Variants in NEK4 observed in about 807,000 individuals in gnomAD.
NEK4 encodes NIMA related kinase 4.
In NEK4, 86 loss-of-function variants were observed where a neutral mutation model predicts 98.4. The observed-to-expected ratio is 0.87, with a 90% CI of 0.73 to 1.05. The LOEUF (loss-of-function observed/expected upper bound fraction) is 1.05, where lower values mean the gene tolerates loss of function less well. Among genes scored for constraint, NEK4 ranks in the 50% least tolerant of loss-of-function variants. The probability of loss-of-function intolerance (pLI) is 0.00; values close to 1 mark genes in which losing one functional copy is unlikely to be tolerated. For missense variants in NEK4, 898 were observed against 950.3 expected (o/e 0.94, Z 0.72); for synonymous variants, 328 against 342.2 (o/e 0.96, Z 0.46).
chr3:52,768,011 A>G (rs1191945238), intron 2 of NEK4, among the ~76,000 whole-genome samples: 3 of 152,346 alleles, frequency 2.0e-5, no homozygotes, highest in African/African-American at 7.2e-5. Flanking sequence ...ACCTTTCAGC[A>G]TGACACGACT....
At chr3:52,748,307 T>C (rs1435125305) in intron 8 of NEK4, among the ~76,000 whole-genome samples, 1 of 152,120 alleles carries the variant, frequency 6.6e-6, no homozygotes, top group Non-Finnish European at 1.5e-5. Context: ...AGAAGTTGTC[T>C]TTCTCAAAAT....
intron 14 of NEK4, among the ~76,000 whole-genome samples, chr3:52,738,900 G>GA (rs2097380945): frequency 6.6e-6 from 1 of 152,104 alleles, no homozygotes; most frequent in South Asian, 2.1e-4. Flanking sequence ...AAAGTCACAT[G>GA]AAAAACCACA....
At chr3:52,715,228 T>G (rs1459814435) in intron 15 of NEK4, among the ~76,000 whole-genome samples, 1 of 152,214 alleles carries the variant, frequency 6.6e-6, no homozygotes, top group East Asian at 1.9e-4. Context: ...CTAAAAGCCC[T>G]GGGCTCAGCC....
At chr3:52,727,293 C>T (rs1232341823) in intron 15 of NEK4, among the ~76,000 whole-genome samples, 1 of 151,884 alleles carries the variant, frequency 6.6e-6, no homozygotes, top group Non-Finnish European at 1.5e-5. Flanking sequence ...AATTCTTTAC[C>T]TAACAACAGA....
At chr3:52,761,528 T>G (rs1482859904) in intron 5 of NEK4, among the ~76,000 whole-genome samples, 1 of 152,110 alleles carries the variant, frequency 6.6e-6, no homozygotes, top group Non-Finnish European at 1.5e-5. Context: ...TCAGGTGATC[T>G]GCCAGCCTCG....
Position 52,711,503 on chromosome 3 carries a change from TG to T in NEK4, c.*273del. On this transcript the variant is annotated 3_prime_UTR_variant, in exon 16 of 16. Transcript: ENST00000233027. ...AAAAATAAAATTCTAAATATAAACT[TG>T]GTGGATTAAGGCTCAGTAAACAGTA... 7.3e-6 allele frequency: 2 copies of T among 273,796 alleles called. No individual in the cohort carries two copies. The highest frequency in any genetic ancestry group is 1.3e-5 in the Non-Finnish European group (2 of 148,172). The allele number at this position is 273,796 out of a possible 1,614,324, so 17.0% of individuals were successfully genotyped here. A position where few individuals can be genotyped will look rare whatever the true frequency, so the allele number is the denominator to read the frequency against.
chr3:52,752,142 A>G lies in NEK4; in HGVS notation c.1158T>C (p.Asn386=), dbSNP rs758535069. 6.2e-7 allele frequency: 1 copy of G among 1,614,056 alleles called. No homozygotes were observed. Among genetic ancestry groups the G allele is most frequent in the African/African-American group, 1.3e-5 (1 of 74,922 alleles). Residue 386 remains asparagine (N), a synonymous_variant, in exon 7 of 16, where the codon AAT becomes AAC. Transcript: ENST00000233027. ...TAGAGGCATCCAAATATCTTGGCTG[A>G]TTCTCCTGAACAAAGCCATCACTCA... ...DSVSDGFVQE[N]QPRYLDASNE...
rs768725397 is a variant in NEK4, at chr3:52,741,428, A to G, written c.2076T>C (p.Asp692=). The G allele has an allele frequency of 1.2e-6, 2 of 1,604,556 alleles. No individual in the cohort carries two copies. The highest frequency in any genetic ancestry group is 3.3e-5 in the Admixed American group (2 of 59,992). Residue 692 remains aspartate, a synonymous_variant, in exon 13 of 16, where the codon GAT becomes GAC. Coordinates refer to ENST00000233027, the MANE Select transcript of NEK4 (RefSeq NM_003157.6). Reference sequence around the variant, plus strand: ...GAACTTACCCTTCCCCGTAATCCCCATCTGACTTATCAGTTGAACTTGTAG... The same window carrying G: ...GAACTTACCCTTCCCCGTAATCCCCGTCTGACTTATCAGTTGAACTTGTAG... ...SSSTSSTDKS[D]GDYGEGKGQT... is the part of the protein sequence containing the mutation.
intron 15 of NEK4, among the ~76,000 whole-genome samples, chr3:52,729,477 G>T (rs2097367563): frequency 6.6e-6 from 1 of 152,118 alleles, no homozygotes; most frequent in Non-Finnish European, 1.5e-5. Flanking sequence ...GGAAGGCCAA[G>T]GTGGGTGGAT....
intron 7 of NEK4, among the ~76,000 whole-genome samples, chr3:52,750,488 A>T (rs180864083): frequency 6.6e-6 from 1 of 152,326 alleles, no homozygotes; most frequent in East Asian, 1.9e-4. Context: ...CAGAGGTTAT[A>T]GTGAGCTGAG....
chr3:52,754,830 T>C (rs950115589), intron 6 of NEK4: 3 of 267,314 alleles, frequency 1.1e-5, no homozygotes, highest in Non-Finnish European at 2.3e-5. Flanking sequence ...TCCTAGAACT[T>C]TGGGAGGCCA....
At chr3:52,732,560 A>G in intron 15 of NEK4, 1 of 266,990 alleles carries the variant, frequency 3.7e-6, no homozygotes, top group Non-Finnish European at 7.8e-6. Flanking sequence ...AAGCGGAAAG[A>G]AAAGGAATCA....
At chr3:52,759,819 G>T (rs1698292117) in intron 6 of NEK4, among the ~76,000 whole-genome samples, 1 of 152,130 alleles carries the variant, frequency 6.6e-6, no homozygotes, top group Non-Finnish European at 1.5e-5. Context: ...GCCAAAAGGT[G>T]AAAAAAACCC....
intron 10 of NEK4, among the ~76,000 whole-genome samples, chr3:52,744,759 C>T (rs983956890): frequency 5.3e-5 from 8 of 150,176 alleles, no homozygotes; most frequent in African/African-American, 1.5e-4. Flanking sequence ...AAAGGTCTTG[C>T]GCTGGACTTA....
chr3:52,745,141 G>A (rs973807489), intron 10 of NEK4, among the ~76,000 whole-genome samples: 19 of 151,776 alleles, frequency 1.3e-4, no homozygotes, highest in African/African-American at 4.4e-4. Context: ...GGATGGTCTC[G>A]ATCTCCTGAC....
chr3:52,759,931 C>T (rs150863322), intron 6 of NEK4, among the ~76,000 whole-genome samples: 1,561 of 151,932 alleles, frequency 0.01, 11 homozygotes, highest in Non-Finnish European at 0.017. Context: ...CATGGATGAA[C>T]CTTGAAAATA....
intron 6 of NEK4, among the ~76,000 whole-genome samples, chr3:52,755,073 CA>C (rs201856002): frequency 0.07 from 3,287 of 46,912 alleles, 273 homozygotes; most frequent in East Asian, 0.35. Context: ...GACTCCGTCT[CA>C]AAAAAAAAAA....
At chr3:52,760,327 C>T (rs1053730400) in intron 6 of NEK4, among the ~76,000 whole-genome samples, 7 of 152,140 alleles carry the variant, frequency 4.6e-5, no homozygotes, top group Non-Finnish European at 8.8e-5. Context: ...AGCGATTCTC[C>T]TCCCTCAGCC....
chr3:52,763,894 G>C (rs533790771), intron 4 of NEK4, among the ~76,000 whole-genome samples: 1 of 152,146 alleles, frequency 6.6e-6, no homozygotes, highest in Admixed American at 6.5e-5. Context: ...CTTATGTATC[G>C]GGATGTTCAA....
Sources: allele counts gnomAD v4.1 joint callset (sites outside exome capture counted in the v4.1 genomes callset), GRCh38; gene constraint gnomAD v4.1.1; transcripts MANE v1.5; gene names NCBI Gene and HGNC (gene_info 2026-07-23, HGNC 2026-07-21).